TAFA2: variants seen among roughly 807,000 people sequenced by gnomAD.
TAFA2 encodes the protein TAFA chemokine like family member 2, also known as chemokine-like protein TAFA-2.
A neutral mutation model predicts 18.8 loss-of-function variants in TAFA2; 7 were observed. The observed-to-expected ratio is 0.37, with a 90% CI of 0.21 to 0.70. The LOEUF is 0.70. Ranked by LOEUF, TAFA2 falls within the 30% of genes least tolerant of loss-of-function variation. TAFA2 has a pLI of 0.53. For missense variants in TAFA2, 122 were observed against 158.1 expected (o/e 0.77, Z 1.23); for synonymous variants, 60 against 54.2 (o/e 1.11, Z -0.47).
chr12:62,142,949 A>G (rs2062250226), intron 1 of TAFA2, among the ~76,000 whole-genome samples: 1 of 152,166 alleles, frequency 6.6e-6, no homozygotes, highest in Non-Finnish European at 1.5e-5. Context: ...TTTCCAGAGG[A>G]AAAAAGTGAA....
At chr12:62,022,098 C>T (rs979068749) in intron 1 of TAFA2, 25 of 520,124 alleles carry the variant, frequency 4.8e-5, no homozygotes, top group Non-Finnish European at 7.6e-5. Context: ...GTCAGTTCCC[C>T]AACCCACTGG....
At chr12:62,044,863 T>C (rs922139515) in intron 1 of TAFA2, among the ~76,000 whole-genome samples, 9 of 152,138 alleles carry the variant, frequency 5.9e-5, no homozygotes, top group African/African-American at 2.2e-4. Context: ...TTCTAAACCA[T>C]GTGAGAACAG....
chr12:62,068,727 T>C (rs1258339184), intron 1 of TAFA2, among the ~76,000 whole-genome samples: 37 of 152,186 alleles, frequency 2.4e-4, no homozygotes, highest in Admixed American at 2.4e-3. Context: ...AAATTATTTT[T>C]GACTTCATAT....
intron 2 of TAFA2, among the ~76,000 whole-genome samples, chr12:61,834,245 A>C (rs997637532): frequency 6.6e-6 from 1 of 152,070 alleles, no homozygotes; most frequent in Non-Finnish European, 1.5e-5. Context: ...GTGGACATGC[A>C]TTCAGCTTAT....
intron 1 of TAFA2, chr12:61,880,546 C>T (rs550437622): frequency 8.0e-6 from 4 of 498,334 alleles, no homozygotes; most frequent in East Asian, 5.4e-5. Flanking sequence ...GGATGCAGAA[C>T]ATGAGTATCT....
At chr12:62,046,072 A>AT (rs1881900107) in intron 1 of TAFA2, among the ~76,000 whole-genome samples, 1 of 152,168 alleles carries the variant, frequency 6.6e-6, no homozygotes. Flanking sequence ...ATAGATAGGG[A>AT]TACAAAGGTC....
intron 1 of TAFA2, among the ~76,000 whole-genome samples, chr12:61,978,347 C>G (rs78912378): frequency 0.066 from 10,102 of 152,102 alleles, 447 homozygotes; most frequent in Non-Finnish European, 0.1. Flanking sequence ...TATCAGACTT[C>G]ATATATCTCA....
intron 1 of TAFA2, among the ~76,000 whole-genome samples, chr12:62,244,313 T>G (rs1354861802): frequency 2.0e-5 from 3 of 150,288 alleles, no homozygotes; most frequent in African/African-American, 7.4e-5. Context: ...TCATGCCACA[T>G]ATATATTATA....
chr12:62,120,152 G>A (rs1376948210), intron 1 of TAFA2, among the ~76,000 whole-genome samples: 1 of 151,840 alleles, frequency 6.6e-6, no homozygotes, highest in African/African-American at 2.4e-5. Context: ...AGAAAGTGCT[G>A]TGCTAGATAC....
chr12:62,124,196 C>T (rs1870350872), intron 1 of TAFA2, among the ~76,000 whole-genome samples: 2 of 151,496 alleles, frequency 1.3e-5, no homozygotes, highest in Admixed American at 6.6e-5. Context: ...GAAAAAAAAG[C>T]TTCAAGAGAT....
chr12:62,085,494 C>A (rs2136825690), intron 1 of TAFA2, among the ~76,000 whole-genome samples: 1 of 152,180 alleles, frequency 6.6e-6, no homozygotes, highest in Admixed American at 6.5e-5. Flanking sequence ...CATGCTGGCA[C>A]AGGATTCTAT....
chr12:62,112,611 A>G (rs900939979), intron 1 of TAFA2, among the ~76,000 whole-genome samples: 1 of 152,086 alleles, frequency 6.6e-6, no homozygotes, highest in Non-Finnish European at 1.5e-5. Context: ...AGTCACTTTT[A>G]GGTACACCAA....
chr12:62,175,414 A>C (rs1240106773), intron 1 of TAFA2, among the ~76,000 whole-genome samples: 1 of 152,190 alleles, frequency 6.6e-6, no homozygotes, highest in Non-Finnish European at 1.5e-5. Context: ...TTAATATATA[A>C]GACTATAAAA....
chr12:61,726,359 T>A (rs1005191667), intron 4 of TAFA2, among the ~76,000 whole-genome samples: 1 of 152,120 alleles, frequency 6.6e-6, no homozygotes, highest in South Asian at 2.1e-4. Flanking sequence ...ATTCTACCCA[T>A]CCATGAGCAT....
chr12:61,725,367 G>A (rs1251507153), intron 4 of TAFA2, among the ~76,000 whole-genome samples: 1 of 152,012 alleles, frequency 6.6e-6, no homozygotes, highest in East Asian at 1.9e-4. Flanking sequence ...ATAAGCTGGT[G>A]TCTATAAGAG....
chr12:61,737,490 ATAACAT>A (rs1868323555), intron 4 of TAFA2, among the ~76,000 whole-genome samples: 6 of 151,882 alleles, frequency 4.0e-5, no homozygotes, highest in African/African-American at 1.4e-4. Context: ...GGTAATACAT[ATAACAT>A]AGTGGTTAAG....
At chr12:61,985,299 G>C (rs1879774294) in intron 1 of TAFA2, among the ~76,000 whole-genome samples, 1 of 152,176 alleles carries the variant, frequency 6.6e-6, no homozygotes, top group Admixed American at 6.5e-5. Context: ...ATTTTCACTG[G>C]AAGTATATTT....
intron 4 of TAFA2, among the ~76,000 whole-genome samples, chr12:61,732,380 T>C (rs139326228): frequency 2.4e-3 from 372 of 152,254 alleles, no homozygotes; most frequent in Admixed American, 4.3e-3. Flanking sequence ...ATTCAATGAA[T>C]CTTACTGTGC....
intron 1 of TAFA2, among the ~76,000 whole-genome samples, chr12:62,077,310 G>A (rs1318749488): frequency 2.6e-5 from 4 of 152,138 alleles, no homozygotes; most frequent in Non-Finnish European, 1.5e-5. Context: ...CCCATTAATT[G>A]ACAAAGAAAT....
Sources: allele counts gnomAD v4.1 joint callset (sites outside exome capture counted in the v4.1 genomes callset), GRCh38; gene constraint gnomAD v4.1.1; transcripts MANE v1.5; gene names NCBI Gene and HGNC (gene_info 2026-07-23, HGNC 2026-07-21).